The following CC2D1A variants were observed in gnomAD, a reference collection of about 807,000 sequenced individuals.
CC2D1A encodes the protein coiled-coil and C2 domain-containing protein 1A.
Under a neutral mutation model 123.8 loss-of-function variants are expected in CC2D1A, and 68 were observed. The observed-to-expected ratio is 0.55, with a 90% CI of 0.45 to 0.67. The LOEUF (loss-of-function observed/expected upper bound fraction) is 0.67, where lower values mean the gene tolerates loss of function less well. Among genes scored for constraint, CC2D1A ranks in the 30% least tolerant of loss-of-function variants. CC2D1A has a pLI of 0.00. For synonymous variants in CC2D1A, 477 were observed against 528.0 expected, an observed-to-expected ratio of 0.90 and a Z score of 1.32; for missense variants, 1,185 against 1,290.3, an observed-to-expected ratio of 0.92 and a Z score of 1.25.
Position 13,923,883 on chromosome 19 carries a change from C to A in CC2D1A, c.1940+72C>A. ...TGGTGGCGGTGGGGCGGGTTGTGCT[C>A]CCCAGAAGCTGGCACAAGATTTACA... On this transcript the variant is annotated intron_variant, in intron 17 of 28. Coordinates refer to ENST00000318003, the MANE Select transcript of CC2D1A (RefSeq NM_017721.5). This position sits in a 1 kb window ranked among gnomAD's most constrained non-coding sequence, Gnocchi z 5.3. 8.9e-7 allele frequency: 1 copy of A among 1,128,202 alleles called. No individual in the cohort carries two copies. The highest frequency in any genetic ancestry group is 1.3e-6 in the Non-Finnish European group (1 of 751,542). The allele number at this position is 1,128,202 out of a possible 1,614,324, so 69.9% of individuals were successfully genotyped here.
chr19:13,913,530 C>G lies in CC2D1A; in HGVS notation c.640C>G (p.Pro214Ala), dbSNP rs1971088992. 6.2e-7 allele frequency: 1 copy of G among 1,614,176 alleles called. No homozygotes were observed. Among genetic ancestry groups the G allele is most frequent in the African/African-American group, 1.3e-5 (1 of 75,072 alleles). Residue 214 changes from proline (P) to alanine (A), a missense_variant, in exon 6 of 29, where the codon CCG becomes GCG. By Grantham distance (27) the Pro-to-Ala change is conservative. Transcript: ENST00000318003. ...TACCTACAGCCCTGCACCCACCCAG[C>G]CGGCCCCTAGAATCGCGTCAGCCCC... ...TPTYSPAPTQ[P>A]APRIASAPEP...
At chr19:13,918,859 CAGACTGTCTACCCATCCGTTGACTCTT>C in intron 9 of CC2D1A, 26 bp from the exon 10 acceptor site, 1 of 1,610,296 alleles carries the variant, frequency 6.2e-7, no homozygotes, top group Non-Finnish European at 8.5e-7. Flanking sequence ...AGGCTGGAGC[CAGACTGTCTACCCATCCGTTGACTCTT>C]AACCTTGTCC....
intron 2 of CC2D1A, among the ~76,000 whole-genome samples, chr19:13,910,340 G>A (rs917928290): frequency 9.3e-5 from 14 of 150,398 alleles, no homozygotes; most frequent in South Asian, 2.1e-4. Flanking sequence ...CCAGGGAGGC[G>A]GAGCTTGCAG....
At chr19:13,920,965 G>A (rs745645499) in intron 14 of CC2D1A, 43 bp downstream of exon 14, 3 of 1,557,532 alleles carry the variant, frequency 1.9e-6, no homozygotes, top group Non-Finnish European at 2.6e-6. Flanking sequence ...GCACCCACTT[G>A]TCAGGCTCCT....
chr19:13,916,718 G>A (rs1971222531), intron 6 of CC2D1A, among the ~76,000 whole-genome samples: 1 of 152,124 alleles, frequency 6.6e-6, no homozygotes, highest in African/African-American at 2.4e-5. Flanking sequence ...TGTCAAAGGT[G>A]TGTCACTTCT....
In CC2D1A at chr19:13,918,758, C is replaced by T. The variant is rs765282375; in HGVS notation, c.959C>T (p.Pro320Leu). The T allele has an allele frequency of 6.2e-6, 10 of 1,612,156 alleles. No homozygotes were observed. In the South Asian group the frequency reaches 1.1e-4, roughly 18 times the overall value. Residue 320 changes from proline (P) to leucine (L), a missense_variant, in exon 9 of 29, where the codon CCA becomes CTA. Pro to Leu is a moderately conservative substitution (Grantham distance 98, BLOSUM62 -3). Transcript: ENST00000318003. ...CLPPPPDQLP[P>L]DPPSPPSQPP... is the part of the protein sequence containing the mutation. ...TCTCTGTCCCCAGACCAGCTGCCCC[C>T]AGACCCACCGTCACCACCGTCGCAG... is the stretch of plus-strand genomic sequence containing the variant.
In CC2D1A at chr19:13,923,369, C is replaced by T; in HGVS notation, c.1678C>T (p.Leu560=). Residue 560 remains leucine (L), a synonymous_variant, in exon 15 of 29, where the codon CTG becomes TTG. Coordinates refer to ENST00000318003, the MANE Select transcript of CC2D1A (RefSeq NM_017721.5). The surrounding 1 kb of genome is among the most constrained non-coding windows in gnomAD (Gnocchi z 5.3). ...PAPVNKDDFA[L]VQRPGPGLSQ... ...CCCTGTCAACAAGGACGACTTTGCC[C>T]TGGTCCAGCGGCCTGGCCCGGGTCT... 6.2e-7 allele frequency: 1 copy of T among 1,611,666 alleles called. No individual in the cohort carries two copies. Among genetic ancestry groups the T allele is most frequent in the African/African-American group, 1.3e-5 (1 of 75,054 alleles).
At chr19:13,924,531 G>A (rs561145449) in intron 17 of CC2D1A, among the ~76,000 whole-genome samples, 49 of 151,668 alleles carry the variant, frequency 3.2e-4, no homozygotes, top group East Asian at 1.2e-3. Flanking sequence ...GTACAGTGGC[G>A]CAATCTCAGC....
chr19:13,915,136 C>A (rs751612562), intron 6 of CC2D1A, among the ~76,000 whole-genome samples: 1 of 152,240 alleles, frequency 6.6e-6, no homozygotes, highest in Non-Finnish European at 1.5e-5. Context: ...AAAAATTTTT[C>A]ACAATGGAAG....
At position 13,919,036 on chromosome 19, in the gene CC2D1A, C is replaced by T. The variant is rs774337212; in HGVS notation, c.1143C>T (p.Ile381=). The change falls in exon 10 of 29, where the codon ATC becomes ATT. Residue 381 remains isoleucine, a synonymous_variant. Coordinates refer to ENST00000318003, the MANE Select transcript of CC2D1A (RefSeq NM_017721.5). ...GGAAAGCTCGAATGCACGAGCGCATCGTCAAGGTGCCCTGGGGGTTCCGGG... is the reference window on the plus strand; with the variant it reads ...GGAAAGCTCGAATGCACGAGCGCATTGTCAAGGTGCCCTGGGGGTTCCGGG... ...DQRKARMHER[I]VKQYQDAIRA... The T allele has an allele frequency of 1.4e-5, 22 of 1,606,744 alleles. No homozygotes were observed. In the East Asian group the frequency reaches 2.7e-4, roughly 20 times the overall value.
In CC2D1A at chr19:13,926,851, A is replaced by G. The variant is rs373852755; in HGVS notation, c.2104A>G (p.Ile702Val). The change falls in exon 20 of 29, where the codon ATC (isoleucine) becomes GTC (valine). Residue 702 changes from isoleucine (I) to valine (V), a missense_variant. Coordinates refer to ENST00000318003, the MANE Select transcript of CC2D1A (RefSeq NM_017721.5). ...AGCTCAGAAAGACAAGACCAGTGTG[A>G]TCAAGAACACAGACTCCCCTGGTGA... ...EEAQKDKTSV[I>V]KNTDSPEFKE... The G allele has an allele frequency of 5.6e-6, 9 of 1,613,926 alleles. No individual in the cohort carries two copies. In the African/African-American group the frequency reaches 1.2e-4, roughly 22 times the overall value.
At chr19:13,918,642 T>C in intron 8 of CC2D1A, 66 bp downstream of exon 8, 2 of 1,585,994 alleles carry the variant, frequency 1.3e-6, no homozygotes, top group East Asian at 2.2e-5. Flanking sequence ...TCCTTGATGC[T>C]GCCACCCCTG....
At chr19:13,925,581 A>AG (rs1416769928) in intron 17 of CC2D1A, among the ~76,000 whole-genome samples, 1 of 151,454 alleles carries the variant, frequency 6.6e-6, no homozygotes, top group African/African-American at 2.4e-5. Flanking sequence ...TCTCAAAAAA[A>AG]AAAGAAATAT....
In CC2D1A at chr19:13,929,431, C is replaced by G. The variant is rs747462241; in HGVS notation, c.2572C>G (p.Leu858Val). ...TGTGCTGGCGTTTGACCAAGAGCGTCTGGAGCGGAAGGTGGGTATCCATCC... is the reference window on the plus strand; with the variant it reads ...TGTGCTGGCGTTTGACCAAGAGCGTGTGGAGCGGAAGGTGGGTATCCATCC... ...LSVLAFDQER[L>V]ERKILALRQA... The change falls in exon 25 of 29, where the codon CTG (leucine) becomes GTG (valine). Residue 858 changes from leucine (L) to valine (V), a missense_variant. By Grantham distance (32) the Leu-to-Val change is conservative. Transcript: ENST00000318003. 1 of 1,613,418 alleles carries G rather than the reference C, an allele frequency of 6.2e-7. No homozygotes were observed. Among genetic ancestry groups the G allele is most frequent in the South Asian group, 1.1e-5 (1 of 91,074 alleles).
chr19:13,912,551 A>C lies in CC2D1A; in HGVS notation c.336A>C (p.Gly112=). The C allele has an allele frequency of 6.2e-7, 1 of 1,614,038 alleles. No individual in the cohort carries two copies. Among genetic ancestry groups the C allele is most frequent in the Non-Finnish European group, 8.5e-7 (1 of 1,179,986 alleles). ...AGGCGGAGCTAAATGAGGTCCTTGG[A>C]GAGGAGCAGAAGGCTTCAGAGACCC... ...DLLAELNEVL[G]EEQKASETPP... is the part of the protein sequence containing the mutation. Residue 112 remains glycine (G), a synonymous_variant, in exon 4 of 29, where the codon GGA becomes GGC. Coordinates refer to ENST00000318003, the MANE Select transcript of CC2D1A (RefSeq NM_017721.5).
chr19:13,912,047 C>G (rs887231347), intron 2 of CC2D1A, among the ~76,000 whole-genome samples: 1 of 152,006 alleles, frequency 6.6e-6, no homozygotes, highest in African/African-American at 2.4e-5. Context: ...GACAGGGTTT[C>G]ACCATGTTGG....
At chr19:13,912,699 C>T (rs948779592) in intron 4 of CC2D1A, 106 bp downstream of exon 4, 36 of 1,171,632 alleles carry the variant, frequency 3.1e-5, no homozygotes, top group Non-Finnish European at 4.4e-5. Context: ...GTCACCCAGG[C>T]TGGAGTGCAG....
At chr19:13,925,004 C>T (rs115216016) in intron 17 of CC2D1A, among the ~76,000 whole-genome samples, 4 of 152,272 alleles carry the variant, frequency 2.6e-5, no homozygotes, top group African/African-American at 4.8e-5. Flanking sequence ...CTATTTCTTC[C>T]GCCTTCACCC....
chr19:13,913,293 G>A lies in CC2D1A; in HGVS notation c.504G>A (p.Arg168=). The change falls in exon 5 of 29, where the codon CGG becomes CGA. Residue 168 remains arginine, a synonymous_variant. Coordinates refer to ENST00000318003, the MANE Select transcript of CC2D1A (RefSeq NM_017721.5). ...GDSAKMRRYD[R]GLKTLENLLA... is the part of the protein sequence containing the mutation. ...GCGCCAAGATGCGGCGCTACGATCG[G>A]GGGCTTAAAGTAAGTGGGCAGAGGG... 4.3e-6 allele frequency: 7 copies of A among 1,612,366 alleles called. No individual in the cohort carries two copies. The South Asian group carries it at 7.7e-5, about 18-fold the overall frequency.
Sources: gnomAD v4.1 joint callset for allele counts (sites outside exome capture counted in the v4.1 genomes callset) on GRCh38, gnomAD v4.1.1 for gene constraint, Gnocchi (gnomAD v3.1) non-coding constraint, MANE v1.5 for transcripts, NCBI Gene and HGNC (gene_info 2026-07-23, HGNC 2026-07-21) for gene names.